The following CLUAP1 variants were observed in gnomAD, a reference collection of about 807,000 sequenced individuals.
CLUAP1 encodes the protein clusterin-associated protein 1.
In CLUAP1, 50 loss-of-function variants were observed where a neutral mutation model predicts 55.0. The ratio of observed to expected loss-of-function variants is 0.91; its 90% CI spans 0.72 to 1.15. CLUAP1 has a LOEUF of 1.15. Ranked by LOEUF, CLUAP1 falls within the 50% of genes most tolerant of loss-of-function variation. CLUAP1 has a pLI of 0.00. For missense variants in CLUAP1, 530 were observed against 507.6 expected, an observed-to-expected ratio of 1.04 and a Z score of -0.42; for synonymous variants, 195 against 175.4, an observed-to-expected ratio of 1.11 and a Z score of -0.88.
intron 6 of CLUAP1, 27 bp downstream of exon 6, chr16:3,515,618 GT>G: frequency 6.9e-7 from 1 of 1,457,288 alleles, no homozygotes. Flanking sequence ...TTTATATAAT[GT>G]TTTTTATGCC....
chr16:3,506,098 A>C (rs1281984248), intron 2 of CLUAP1, among the ~76,000 whole-genome samples: 16 of 152,284 alleles, frequency 1.1e-4, no homozygotes, highest in Non-Finnish European at 1.5e-4. Flanking sequence ...AGAGAGATTT[A>C]ATTTTATAAG....
chr16:3,521,835 G>C (rs1210434939), intron 7 of CLUAP1, among the ~76,000 whole-genome samples: 1 of 151,864 alleles, frequency 6.6e-6, no homozygotes, highest in African/African-American at 2.4e-5. Flanking sequence ...CGGGCAGATC[G>C]CTTGAACTCA....
Position 3,535,948 on chromosome 16 carries a change from G to A in CLUAP1, c.1093-174G>A, listed in dbSNP as rs900153648. On this transcript the variant is annotated intron_variant, in intron 11 of 11. Coordinates refer to ENST00000576634, the MANE Select transcript of CLUAP1 (RefSeq NM_015041.3). ...TCTGGTTGGATGATAAATTCCAGCT[G>A]GCAGTACATAGCCTCAGTCCCATCT... The A allele has an allele frequency of 4.6e-6, 3 of 656,398 alleles. No individual in the cohort carries two copies. The African/African-American group carries it at 5.5e-5, about 12-fold the overall frequency. 40.7% of individuals were successfully genotyped at this position (656,398 alleles called of 1,614,324 possible). A position where few individuals can be genotyped will look rare whatever the true frequency, so the allele number is the denominator to read the frequency against.
upstream of CLUAP1, among the ~76,000 whole-genome samples, chr16:3,498,745 A>C (rs1390127393): frequency 2.6e-5 from 4 of 152,178 alleles, no homozygotes; most frequent in Admixed American, 2.0e-4. Flanking sequence ...CTGTAGTCCC[A>C]GCTACTTGGG....
intron 11 of CLUAP1, 158 bp downstream of exon 11, chr16:3,532,999 A>T: frequency 7.4e-7 from 1 of 1,349,422 alleles, no homozygotes; most frequent in Non-Finnish European, 1.0e-6. Flanking sequence ...GAGGCTCTGG[A>T]CTCTTCGTTG....
At chr16:3,513,874 A>G (rs2037681572) in intron 5 of CLUAP1, among the ~76,000 whole-genome samples, 1 of 152,238 alleles carries the variant, frequency 6.6e-6, no homozygotes, top group Admixed American at 6.5e-5. Context: ...AGTGCCAGCC[A>G]TGGCTTCTCT....
At chr16:3,525,373 C>T (rs1447451277) in intron 8 of CLUAP1, among the ~76,000 whole-genome samples, 1 of 152,064 alleles carries the variant, frequency 6.6e-6, no homozygotes. Context: ...AGCCCCTCTA[C>T]CCTACCCTTC....
chr16:3,530,234 A>G (rs2038087240), intron 9 of CLUAP1, among the ~76,000 whole-genome samples: 1 of 151,934 alleles, frequency 6.6e-6, no homozygotes. Flanking sequence ...ACACTGTTGC[A>G]TTGGGATTTA....
In CLUAP1 at chr16:3,533,189, G is replaced by T. The variant is rs1214183711; in HGVS notation, c.1092+348G>T. ...TCTGTTCTGCCTCATGTGTTTGTGG[G>T]TGTCTGTCAGCCCTCCCGGGGCCAG... On this transcript the variant is annotated intron_variant, in intron 11 of 11. Transcript: ENST00000576634. The T allele has an allele frequency of 8.5e-6, 13 of 1,523,846 alleles. No homozygotes were observed. In the Admixed American group the frequency reaches 1.2e-4, roughly 14 times the overall value. The allele number at this position is 1,523,846 out of a possible 1,614,324, so 94.4% of individuals were successfully genotyped here. A position where few individuals can be genotyped will look rare whatever the true frequency, so the allele number is the denominator to read the frequency against.
In CLUAP1 at chr16:3,532,814, G is replaced by A. The variant is rs34157154; in HGVS notation, c.1065G>A (p.Thr355=). 8.4e-4 allele frequency: 1,348 copies of A among 1,614,070 alleles called. 13 individuals are homozygous for A. The African/African-American group carries it at 0.014, about 16-fold the overall frequency. Residue 355 remains threonine (T), a synonymous_variant, in exon 11 of 12, where the codon ACG becomes ACA. Transcript: ENST00000576634. The stretch of plus-strand genomic sequence containing the variant: ...GACCTGGCAAACGCATTGTGGGCAC[G>A]ATGCAAGGTGGAGACTCCGATGACA... ...QGRPGKRIVG[T]MQGGDSDDNE...
intron 2 of CLUAP1, 22 bp downstream of exon 2, chr16:3,504,853 C>A: frequency 7.8e-7 from 1 of 1,284,510 alleles, no homozygotes; most frequent in Non-Finnish European, 1.1e-6. Context: ...ACTTTATTGA[C>A]ATCTAAGAGT....
intron 7 of CLUAP1, among the ~76,000 whole-genome samples, chr16:3,522,291 G>A (rs2037853520): frequency 6.6e-6 from 1 of 151,710 alleles, no homozygotes; most frequent in African/African-American, 2.4e-5. Flanking sequence ...AGCCACCCGA[G>A]TAGCTGGGAT....
Position 3,523,248 on chromosome 16 carries a change from T to G in CLUAP1, c.804T>G (p.Tyr268Ter). The change falls in exon 8 of 12, where the codon TAT becomes TAG. Residue 268 changes from tyrosine (Y) to a stop codon, truncating the protein, a stop_gained. Coordinates refer to ENST00000576634, the MANE Select transcript of CLUAP1 (RefSeq NM_015041.3). LOFTEE classifies it high-confidence loss of function. ...TGGAGAAATTTCAAAATCTGACTTA[T>G]CTGGAACAACAGCTTGAAGACCATC... The part of the protein sequence containing the change: ...TYLEKFQNLT[Y>*]LEQQLEDHHR... 6.2e-7 allele frequency: 1 copy of G among 1,613,990 alleles called. No individual in the cohort carries two copies. The highest frequency in any genetic ancestry group is 8.5e-7 in the Non-Finnish European group (1 of 1,179,998).
chr16:3,529,791 A>G (rs1187957432), intron 9 of CLUAP1, among the ~76,000 whole-genome samples: 1 of 61,138 alleles, frequency 1.6e-5, no homozygotes, highest in African/African-American at 7.2e-5. Flanking sequence ...TATATAATAT[A>G]TATTATATTA....
At chr16:3,523,438 A>T (rs1005024065) in intron 8 of CLUAP1, 139 bp downstream of exon 8, 5 of 1,022,674 alleles carry the variant, frequency 4.9e-6, no homozygotes, top group Non-Finnish European at 7.0e-6. Flanking sequence ...AGGATTGCTC[A>T]TGTAATGTGT....
At chr16:3,512,515 T>G (rs1330284670) in intron 5 of CLUAP1, 37 bp downstream of exon 5, 8 of 1,493,416 alleles carry the variant, frequency 5.4e-6, no homozygotes, top group Non-Finnish European at 6.5e-6. Context: ...ATGCAGATTT[T>G]CTCTTCAAGG....
chr16:3,497,861 G>C (rs2151034852), upstream of CLUAP1, among the ~76,000 whole-genome samples: 1 of 151,852 alleles, frequency 6.6e-6, no homozygotes, highest in South Asian at 2.1e-4. Flanking sequence ...TCACCATGTT[G>C]CCCAGAGCTA....
At chr16:3,503,996 C>T (rs1424265600) in intron 1 of CLUAP1, among the ~76,000 whole-genome samples, 3 of 151,618 alleles carry the variant, frequency 2.0e-5, no homozygotes. Context: ...GATCTTGGTA[C>T]ATATGGGAAC....
At chr16:3,521,169 G>GAA (rs570251084) in intron 7 of CLUAP1, among the ~76,000 whole-genome samples, 4 of 134,180 alleles carry the variant, frequency 3.0e-5, no homozygotes, top group Admixed American at 1.5e-4. Context: ...CTCAGAGAGG[G>GAA]AAAAAAAAAA....
Sources: gnomAD v4.1 joint callset for allele counts (sites outside exome capture counted in the v4.1 genomes callset) on GRCh38, gnomAD v4.1.1 for gene constraint, MANE v1.5 for transcripts, NCBI Gene and HGNC (gene_info 2026-07-23, HGNC 2026-07-21) for gene names.